Variants in ASCC1 observed in about 807,000 individuals in gnomAD.
ASCC1 encodes the protein ASC-1 complex subunit P50.
Under a neutral mutation model 46.6 loss-of-function variants are expected in ASCC1, and 35 were observed. That is an observed-to-expected ratio of 0.75 (90% CI 0.57 to 0.99). The LOEUF (loss-of-function observed/expected upper bound fraction) is 0.99. Ranked by LOEUF, ASCC1 falls within the 50% of genes least tolerant of loss-of-function variation. The pLI, the probability that ASCC1 is intolerant of heterozygous loss-of-function variation, is 0.00. For missense variants in ASCC1, 376 were observed against 428.7 expected (o/e 0.88, Z 1.09); for synonymous variants, 143 against 146.6 (o/e 0.98, Z 0.18).
upstream of ASCC1, chr10:72,217,118 G>A: frequency 2.2e-6 from 1 of 450,800 alleles, no homozygotes; most frequent in South Asian, 1.6e-5. Context: ...TCTGTGCTCG[G>A]CATTGAGGGT....
chr10:72,099,527 G>A (rs1468254263), intron 9 of ASCC1, among the ~76,000 whole-genome samples: 3 of 152,104 alleles, frequency 2.0e-5, no homozygotes, highest in Non-Finnish European at 4.4e-5. Flanking sequence ...GACCTCATAA[G>A]AGCAAGTACA....
At chr10:72,125,153 G>A (rs1305245679) in intron 9 of ASCC1, among the ~76,000 whole-genome samples, 1 of 152,164 alleles carries the variant, frequency 6.6e-6, no homozygotes, top group Admixed American at 6.5e-5. Flanking sequence ...TCATGGAGTA[G>A]AATAGCAATT....
At chr10:72,111,375 A>C (rs1332249739) in intron 9 of ASCC1, among the ~76,000 whole-genome samples, 1 of 152,038 alleles carries the variant, frequency 6.6e-6, no homozygotes, top group Non-Finnish European at 1.5e-5. Context: ...AGTCCCATCT[A>C]CTCAGGAGGC....
At chr10:72,118,321 C>T (rs1381687206) in intron 9 of ASCC1, among the ~76,000 whole-genome samples, 2 of 149,754 alleles carry the variant, frequency 1.3e-5, no homozygotes, top group East Asian at 3.9e-4. Flanking sequence ...GAGCCAAGAT[C>T]GTGCCACTGC....
At chr10:72,185,401 T>A (rs997135331) in intron 5 of ASCC1, among the ~76,000 whole-genome samples, 3 of 152,120 alleles carry the variant, frequency 2.0e-5, no homozygotes, top group Non-Finnish European at 4.4e-5. Flanking sequence ...TCTCCAGCTA[T>A]AAACAATCCA....
At chr10:72,190,210 C>G in intron 5 of ASCC1, 1 of 765,166 alleles carries the variant, frequency 1.3e-6, no homozygotes, top group Admixed American at 1.7e-5. Context: ...ATGGTGTTAA[C>G]TAGCTAAAGT....
At chr10:72,153,507 C>A (rs1183953621) in intron 6 of ASCC1, among the ~76,000 whole-genome samples, 1 of 152,090 alleles carries the variant, frequency 6.6e-6, no homozygotes, top group Non-Finnish European at 1.5e-5. Flanking sequence ...CTCACTGCAA[C>A]CTCCACCTCC....
At chr10:72,107,038 C>T (rs1488716043) in intron 9 of ASCC1, among the ~76,000 whole-genome samples, 6 of 152,004 alleles carry the variant, frequency 3.9e-5, no homozygotes, top group Non-Finnish European at 7.4e-5. Flanking sequence ...TCATCACAGC[C>T]CTTGGAAGAT....
chr10:72,124,888 T>C (rs1844669342), intron 9 of ASCC1, among the ~76,000 whole-genome samples: 1 of 152,192 alleles, frequency 6.6e-6, no homozygotes, highest in South Asian at 2.1e-4. Flanking sequence ...ATATGTTTGT[T>C]CTTTTTCAGG....
intron 5 of ASCC1, among the ~76,000 whole-genome samples, chr10:72,194,583 T>C (rs1157202295): frequency 6.6e-6 from 1 of 150,796 alleles, no homozygotes; most frequent in African/African-American, 2.5e-5. Flanking sequence ...ATAAGTAAAA[T>C]AACCCACTAG....
chr10:72,125,112 T>C (rs1270842033), intron 9 of ASCC1, among the ~76,000 whole-genome samples: 1 of 152,236 alleles, frequency 6.6e-6, no homozygotes, highest in Admixed American at 6.5e-5. Flanking sequence ...CCAGAACACA[T>C]ATTATACCAA....
At chr10:72,143,953 T>C (rs1245192171) in intron 7 of ASCC1, among the ~76,000 whole-genome samples, 1 of 152,004 alleles carries the variant, frequency 6.6e-6, no homozygotes, top group Non-Finnish European at 1.5e-5. Flanking sequence ...CTTTATCATA[T>C]ATAATAGCCT....
chr10:72,179,844 T>A (rs542523762), intron 5 of ASCC1, among the ~76,000 whole-genome samples: 2 of 152,150 alleles, frequency 1.3e-5, no homozygotes, highest in South Asian at 4.1e-4. Flanking sequence ...ATATTATAGA[T>A]TACTAGCAGA....
intron 7 of ASCC1, chr10:72,133,582 A>G (rs1313189860): frequency 6.9e-6 from 2 of 288,538 alleles, no homozygotes; most frequent in Non-Finnish European, 1.3e-5. Flanking sequence ...GCAAGATCAC[A>G]GCATATTCAA....
intron 5 of ASCC1, among the ~76,000 whole-genome samples, chr10:72,172,800 T>C (rs1174432363): frequency 3.0e-5 from 4 of 135,380 alleles, no homozygotes; most frequent in Admixed American, 2.5e-4. Flanking sequence ...TTATATATTA[T>C]ATTTTTATAT....
intron 3 of ASCC1, chr10:72,204,548 T>C (rs574896786): frequency 2.0e-6 from 3 of 1,522,364 alleles, no homozygotes; most frequent in African/African-American, 2.8e-5. Context: ...TATAAAGCAC[T>C]AAGAGGCCAT....
chr10:72,099,819 T>TCAAA (rs892141232), intron 9 of ASCC1, among the ~76,000 whole-genome samples: 7 of 152,002 alleles, frequency 4.6e-5, no homozygotes, highest in Admixed American at 3.9e-4. Context: ...AAACTCTGTC[T>TCAAA]CAAACAAACA....
At chr10:72,139,978 G>C (rs117924922) in intron 7 of ASCC1, among the ~76,000 whole-genome samples, 9 of 152,096 alleles carry the variant, frequency 5.9e-5, no homozygotes, top group Admixed American at 3.9e-4. Flanking sequence ...AGAGTGTTTC[G>C]GGTAATTTAA....
In ASCC1 at chr10:72,204,356, G is replaced by A. The variant is rs1015884129; in HGVS notation, c.213-832C>T. The A allele has an allele frequency of 7.1e-6, 11 of 1,545,914 alleles. No homozygotes were observed. In the African/African-American group the frequency reaches 1.1e-4, roughly 15 times the overall value. On this transcript the variant is annotated intron_variant, in intron 3 of 9. Transcript: ENST00000672957. ...AACTCTCGACTACCCCATGAAGACGGGACATGAGCTCACAATCCCCATCAC... is the reference window on the plus strand; with the variant it reads ...AACTCTCGACTACCCCATGAAGACGAGACATGAGCTCACAATCCCCATCAC...
Sources: gnomAD v4.1 joint callset for allele counts (sites outside exome capture counted in the v4.1 genomes callset) on GRCh38, gnomAD v4.1.1 for gene constraint, MANE v1.5 for transcripts, NCBI Gene and HGNC (gene_info 2026-07-23, HGNC 2026-07-21) for gene names.